CTNND2: variants seen among roughly 807,000 people sequenced by gnomAD.
The protein encoded by CTNND2 is catenin delta-2.
Under a neutral mutation model 144.4 loss-of-function variants are expected in CTNND2, and 22 were observed. The observed-to-expected ratio is 0.15, with a 90% CI of 0.11 to 0.22. The LOEUF (loss-of-function observed/expected upper bound fraction) is 0.22, where lower values mean the gene tolerates loss of function less well. CTNND2 is among the 10% of genes least tolerant of loss of function. CTNND2 has a pLI of 1.00. For synonymous variants in CTNND2, 751 were observed against 695.6 expected (o/e 1.08, Z -1.25); for missense variants, 1,353 against 1,618.8 (o/e 0.84, Z 2.82).
intron 9 of CTNND2, among the ~76,000 whole-genome samples, chr5:11,294,511 A>G (rs969422090): frequency 1.3e-5 from 2 of 152,186 alleles, no homozygotes; most frequent in Admixed American, 1.3e-4. Flanking sequence ...CAAATATGAT[A>G]AAGTTCAAGC....
chr5:11,411,612 G>A lies in CTNND2; in HGVS notation c.363C>T (p.Leu121=), dbSNP rs143717087. Residue 121 remains leucine, a synonymous_variant, in exon 5 of 22, where the codon CTC becomes CTT. Coordinates refer to ENST00000304623, the MANE Select transcript of CTNND2 (RefSeq NM_001332.4). ...KDIEDELTTG[L]ELVDSCIRSL... Reference sequence around the variant, plus strand: ...ACCTAATACAGGAGTCCACCAGCTCGAGACCTGTTGTAAGCTCATCTTCGA... The same window carrying A: ...ACCTAATACAGGAGTCCACCAGCTCAAGACCTGTTGTAAGCTCATCTTCGA... 1.8e-4 allele frequency: 296 copies of A among 1,612,318 alleles called. No individual in the cohort carries two copies. The Middle Eastern group carries it at 3.1e-3, about 17-fold the overall frequency.
At chr5:11,359,764 C>T (rs1338654741) in intron 8 of CTNND2, among the ~76,000 whole-genome samples, 1 of 152,190 alleles carries the variant, frequency 6.6e-6, no homozygotes, top group African/African-American at 2.4e-5. Flanking sequence ...GTCTTTGGCT[C>T]TTATCTTGCA....
chr5:11,310,061 T>C (rs1422750024), intron 9 of CTNND2, among the ~76,000 whole-genome samples: 1 of 151,974 alleles, frequency 6.6e-6, no homozygotes, highest in East Asian at 1.9e-4. Context: ...CTATCTCAGG[T>C]AGTTTTTTTT....
intron 3 of CTNND2, among the ~76,000 whole-genome samples, chr5:11,468,871 G>C (rs964129230): frequency 6.6e-6 from 1 of 152,020 alleles, no homozygotes; most frequent in African/African-American, 2.4e-5. Context: ...ATTCTTGCAC[G>C]ATCAACTTTG....
intron 9 of CTNND2, among the ~76,000 whole-genome samples, chr5:11,284,777 C>A (rs1747555085): frequency 6.6e-6 from 1 of 152,010 alleles, no homozygotes; most frequent in Non-Finnish European, 1.5e-5. Context: ...GGGTATGCAC[C>A]CAATAATAGG....
rs539154059 is a variant in CTNND2, at chr5:11,756,056, A to T, written c.38-23784T>A. 2.6e-5 allele frequency among the ~76,000 whole-genome samples: 4 copies of T among 151,758 alleles called. No homozygotes were observed. In the East Asian group the frequency reaches 7.8e-4, roughly 29 times the overall value. On this transcript the variant is annotated intron_variant, in intron 1 of 21. Coordinates refer to ENST00000304623, the MANE Select transcript of CTNND2 (RefSeq NM_001332.4). ...CCGAGTTCTTGTTGTGGTCTTTCTC[A>T]TCTGAGTAAGCTAGTGTTCCTTCAA...
chr5:11,357,008 A>G (rs1755958122), intron 8 of CTNND2, among the ~76,000 whole-genome samples: 2 of 152,110 alleles, frequency 1.3e-5, no homozygotes, highest in South Asian at 2.1e-4. Context: ...TAGAATGGCT[A>G]TTGTCAAAAA....
In CTNND2 at chr5:11,618,911, G is replaced by T. The variant is rs537038262; in HGVS notation, c.175-53855C>A. On this transcript the variant is annotated intron_variant, in intron 2 of 21. Transcript: ENST00000304623. ...AATACATTTGAGGAAACATAATTAA[G>T]TAACTAGAAACCATATTCTGTTTAC... Among the ~76,000 whole-genome samples the T allele has an allele frequency of 9.9e-4, 151 of 152,208 alleles. 1 individual carries two copies. The highest frequency in any genetic ancestry group is 3.4e-3 in the Middle Eastern group (1 of 294).
intron 9 of CTNND2, among the ~76,000 whole-genome samples, chr5:11,324,553 T>C (rs1254209110): frequency 6.6e-6 from 1 of 152,220 alleles, no homozygotes; most frequent in East Asian, 1.9e-4. Context: ...TGGGAAGTAT[T>C]TGAGACTATT....
intron 2 of CTNND2, among the ~76,000 whole-genome samples, chr5:11,674,959 C>T (rs955864586): frequency 6.6e-6 from 1 of 152,114 alleles, no homozygotes; most frequent in Non-Finnish European, 1.5e-5. Flanking sequence ...AATTCCTGAC[C>T]ATGTGATCCT....
At chr5:11,318,341 G>A (rs78651141) in intron 9 of CTNND2, among the ~76,000 whole-genome samples, 37,802 of 151,946 alleles carry the variant, frequency 0.25, 4,839 homozygotes, top group East Asian at 0.39. Context: ...GGTCCTGAAC[G>A]TGACCAAAGA....
chr5:11,806,178 C>T (rs186647199), intron 1 of CTNND2, among the ~76,000 whole-genome samples: 17 of 152,104 alleles, frequency 1.1e-4, no homozygotes, highest in African/African-American at 4.1e-4. Flanking sequence ...AATAACAATA[C>T]AGCAATACAA....
At chr5:11,829,638 G>A (rs1561839869) in intron 1 of CTNND2, among the ~76,000 whole-genome samples, 1 of 152,240 alleles carries the variant, frequency 6.6e-6, no homozygotes, top group Non-Finnish European at 1.5e-5. Context: ...ATGCCTGGAT[G>A]TCCAGGCAGT....
chr5:11,811,404 C>T (rs1792325275), intron 1 of CTNND2, among the ~76,000 whole-genome samples: 1 of 152,156 alleles, frequency 6.6e-6, no homozygotes. Flanking sequence ...ATATATCTAA[C>T]ACAACTTACC....
chr5:11,885,161 A>G (rs1332044124), intron 1 of CTNND2, among the ~76,000 whole-genome samples: 1 of 152,114 alleles, frequency 6.6e-6, no homozygotes, highest in Admixed American at 6.5e-5. Context: ...TTGGTATCCA[A>G]GTAATGCTGA....
At chr5:11,204,755 A>AT (rs1463876663) in intron 10 of CTNND2, among the ~76,000 whole-genome samples, 1 of 152,200 alleles carries the variant, frequency 6.6e-6, no homozygotes, top group African/African-American at 2.4e-5. Context: ...TGTATAGTGG[A>AT]TAAAAAAATA....
intron 13 of CTNND2, among the ~76,000 whole-genome samples, chr5:11,112,617 G>A (rs1039679525): frequency 2.1e-4 from 32 of 152,198 alleles, no homozygotes; most frequent in Non-Finnish European, 4.1e-4. Context: ...GTAACACAGC[G>A]TGCAAGTACT....
At chr5:11,777,474 T>C (rs1790319847) in intron 1 of CTNND2, among the ~76,000 whole-genome samples, 1 of 152,228 alleles carries the variant, frequency 6.6e-6, no homozygotes, top group Non-Finnish European at 1.5e-5. Flanking sequence ...TAACTTCAGT[T>C]AATGAGGCTG....
At chr5:11,744,475 T>C (rs1264958503) in intron 1 of CTNND2, among the ~76,000 whole-genome samples, 1 of 151,658 alleles carries the variant, frequency 6.6e-6, no homozygotes, top group East Asian at 1.9e-4. Context: ...GGAGATGGAG[T>C]GATTGACAGT....
Sources: allele counts gnomAD v4.1 joint callset (sites outside exome capture counted in the v4.1 genomes callset), GRCh38; gene constraint gnomAD v4.1.1; transcripts MANE v1.5; gene names NCBI Gene and HGNC (gene_info 2026-07-23, HGNC 2026-07-21).